Variants in TG observed in about 807,000 individuals in gnomAD.
TG encodes thyroglobulin, also known as thyroid hormones.
Under a neutral mutation model 324.7 loss-of-function variants are expected in TG, and 270 were observed. That is an observed-to-expected ratio of 0.83 (90% CI 0.75 to 0.92). The LOEUF (loss-of-function observed/expected upper bound fraction) is 0.92, where lower values mean the gene tolerates loss of function less well. Ranked by LOEUF, TG falls within the 40% of genes least tolerant of loss-of-function variation. The probability of loss-of-function intolerance (pLI) is 0.00; values close to 1 mark genes in which losing one functional copy is unlikely to be tolerated. For missense variants in TG, 3,591 were observed against 3,456.4 expected (o/e 1.04, Z -0.98); for synonymous variants, 1,401 against 1,327.0 (o/e 1.06, Z -1.21).
At chr8:132,948,533 G>A (rs1201862153) in intron 26 of TG, among the ~76,000 whole-genome samples, 1 of 152,184 alleles carries the variant, frequency 6.6e-6, no homozygotes, top group African/African-American at 2.4e-5. Flanking sequence ...GCTCTCATAG[G>A]GAGGGAAAGG....
At position 132,924,670 on chromosome 8, in the gene TG, C is replaced by T. The variant is rs556779348; in HGVS notation, c.4699+1162C>T. Among the ~76,000 whole-genome samples, 5 of 152,254 alleles carry T rather than the reference C, an allele frequency of 3.3e-5. No homozygotes were observed. The East Asian group carries it at 5.8e-4, about 18-fold the overall frequency. ...GAGGAACAGAAGAGAAGAGTATGTC[C>T]TGTGGGATCAGAAGTAGTTTAATCC... On this transcript the variant is annotated intron_variant, in intron 22 of 47. Coordinates refer to ENST00000220616, the MANE Select transcript of TG (RefSeq NM_003235.5).
chr8:132,995,135 T>C (rs1445134665), intron 35 of TG: 1 of 972,612 alleles, frequency 1.0e-6, no homozygotes, highest in African/African-American at 1.8e-5. Flanking sequence ...GATCTCAGTC[T>C]CTGTTCTAAT....
intron 34 of TG, among the ~76,000 whole-genome samples, chr8:132,978,645 T>TTA (rs1265331878): frequency 6.6e-6 from 1 of 151,954 alleles, no homozygotes; most frequent in Non-Finnish European, 1.5e-5. Context: ...CTGCAAGGGA[T>TTA]TATACAAAAG....
At chr8:132,910,138 CA>C (rs2132363695) in intron 18 of TG, among the ~76,000 whole-genome samples, 1 of 152,284 alleles carries the variant, frequency 6.6e-6, no homozygotes, top group East Asian at 1.9e-4. Context: ...TCACCTTCAC[CA>C]GGGGTGTGGC....
chr8:132,881,728 GA>G, intron 5 of TG, 134 bp from the exon 6 acceptor site: 1 of 724,778 alleles, frequency 1.4e-6, no homozygotes, highest in Non-Finnish European at 2.5e-6. Context: ...CAGGAAGCAT[GA>G]AGCAACTGTC....
At position 133,096,359 on chromosome 8, in the gene TG, G is replaced by A. The variant is rs778641647; in HGVS notation, c.7558G>A (p.Ala2520Thr). 1.2e-6 allele frequency: 2 copies of A among 1,614,094 alleles called. No individual in the cohort carries two copies. Residue 2520 changes from alanine to threonine, a missense_variant, in exon 43 of 48, where the codon GCA becomes ACA. Physicochemically the swap from Ala to Thr is moderately conservative, Grantham distance 58 (BLOSUM62 0). Transcript: ENST00000220616. ...SSQDDGLINR[A>T]KAVKQFEESR... ...TCAGGACGACGGGCTCATCAACAGA[G>A]CAAAGGCTGTGAAGGTAAGCAGGGA...
At chr8:133,033,975 C>T (rs570524579) in intron 41 of TG, among the ~76,000 whole-genome samples, 2 of 152,322 alleles carry the variant, frequency 1.3e-5, no homozygotes, top group East Asian at 1.9e-4. Flanking sequence ...AGAGACAGTG[C>T]TGAGTTCCAC....
chr8:133,096,495 T>A, intron 43 of TG, 122 bp downstream of exon 43: 1 of 1,221,972 alleles, frequency 8.2e-7, no homozygotes, highest in South Asian at 1.3e-5. Context: ...GTGCAATGCC[T>A]ATGTGAGTTT....
intron 10 of TG, 24 bp from the exon 11 acceptor site, chr8:132,893,666 T>A: frequency 6.2e-7 from 1 of 1,613,304 alleles, no homozygotes; most frequent in African/African-American, 1.3e-5. Flanking sequence ...AGTGAGTCCA[T>A]CTGTGTTATT....
chr8:132,983,280 T>C (rs1272776775), intron 34 of TG, 70 bp from the exon 35 acceptor site: 1 of 1,514,494 alleles, frequency 6.6e-7, no homozygotes, highest in African/African-American at 1.4e-5. Context: ...TATACTTATA[T>C]TAATGCCTTC....
Position 133,116,719 on chromosome 8 carries a change from A to G in TG, c.7862+3A>G. On this transcript the variant is annotated splice_donor_region_variant and intron_variant, in intron 45 of 47. Coordinates refer to ENST00000220616, the MANE Select transcript of TG (RefSeq NM_003235.5). The stretch of plus-strand genomic sequence containing the variant: ...CCTGAAAACTACGGCCATGGCAGGT[A>G]AGACGCTGCAGGGAAGCAGAGAAAG... 1 of 1,613,248 alleles carries G rather than the reference A, an allele frequency of 6.2e-7. No individual in the cohort carries two copies. The highest frequency in any genetic ancestry group is 8.5e-7 in the Non-Finnish European group (1 of 1,179,126).
At chr8:132,988,064 G>A (rs974278014) in intron 35 of TG, among the ~76,000 whole-genome samples, 3 of 134,644 alleles carry the variant, frequency 2.2e-5, no homozygotes, top group African/African-American at 2.8e-5. Flanking sequence ...ACATACACAT[G>A]CACACACACA....
At chr8:133,073,944 G>A (rs1036816966) in intron 41 of TG, among the ~76,000 whole-genome samples, 1 of 152,024 alleles carries the variant, frequency 6.6e-6, no homozygotes, top group Admixed American at 6.6e-5. Context: ...AACTTTTTAT[G>A]CATTGCTCCT....
chr8:132,915,199 C>G (rs917656591), intron 20 of TG, among the ~76,000 whole-genome samples: 2 of 152,108 alleles, frequency 1.3e-5, no homozygotes. Flanking sequence ...TGGAAGCAGC[C>G]CCAGGAGGCT....
At chr8:132,957,772 C>G (rs868859595) in intron 27 of TG, among the ~76,000 whole-genome samples, 2 of 145,972 alleles carry the variant, frequency 1.4e-5, no homozygotes, top group African/African-American at 5.6e-5. Context: ...CACACACACA[C>G]ACACACACAC....
rs370206088 is a variant in TG, at chr8:132,869,747, C to T, written c.195C>T (p.Asn65=). ...TCCTCAGGACTGTCCAGTGCCAGAA[C>T]GACGGCCGCTCCTGCTGGTGTGTGG... The part of the protein sequence containing the change: ...DGSFQTVQCQ[N]DGRSCWCVGA... The change falls in exon 3 of 48, where the codon AAC becomes AAT. Residue 65 remains asparagine, a synonymous_variant. Coordinates refer to ENST00000220616, the MANE Select transcript of TG (RefSeq NM_003235.5). 34 of 1,614,056 alleles carry T rather than the reference C, an allele frequency of 2.1e-5. No homozygotes were observed. The highest frequency in any genetic ancestry group is 2.0e-4 in the Admixed American group (12 of 60,006).
intron 35 of TG, chr8:132,994,625 T>C (rs1289539822): frequency 1.6e-6 from 2 of 1,221,470 alleles, no homozygotes; most frequent in African/African-American, 3.1e-5. Context: ...ATCCATTCAT[T>C]TATTCTCCCT....
chr8:132,936,592 G>A (rs1328702199), intron 25 of TG, among the ~76,000 whole-genome samples: 1 of 152,136 alleles, frequency 6.6e-6, no homozygotes, highest in Non-Finnish European at 1.5e-5. Flanking sequence ...GGAAACTCTT[G>A]GAGAAAGGCA....
At chr8:132,868,324 G>A (rs1563882856) in intron 2 of TG, 101 bp downstream of exon 2, 2 of 1,075,038 alleles carry the variant, frequency 1.9e-6, no homozygotes, top group East Asian at 2.5e-5. Context: ...CAACTCCTTT[G>A]TGCATGTGAG....
Sources: allele counts gnomAD v4.1 joint callset (sites outside exome capture counted in the v4.1 genomes callset), GRCh38; gene constraint gnomAD v4.1.1; transcripts MANE v1.5; gene names NCBI Gene and HGNC (gene_info 2026-07-23, HGNC 2026-07-21).